Variants in EDARADD observed in about 807,000 individuals in gnomAD.
The protein encoded by EDARADD is EDAR associated via death domain.
Under a neutral mutation model 25.6 loss-of-function variants are expected in EDARADD, and 20 were observed. The observed-to-expected ratio is 0.78, with a 90% CI of 0.55 to 1.14. The LOEUF is 1.14. Ranked by LOEUF, EDARADD falls within the 50% of genes most tolerant of loss-of-function variation. The pLI is 0.00. For synonymous variants in EDARADD, 86 were observed against 94.4 expected, an observed-to-expected ratio of 0.91 and a Z score of 0.52; for missense variants, 225 against 270.1, an observed-to-expected ratio of 0.83 and a Z score of 1.17.
At chr1:236,393,390 TC>T (rs1352467369), upstream of EDARADD, among the ~76,000 whole-genome samples, 14 of 86,340 alleles carry the variant, frequency 1.6e-4, no homozygotes, top group East Asian at 1.2e-3. Flanking sequence ...TTTCTTTCTT[TC>T]TTTTTTTTTT....
intron 4 of EDARADD, among the ~76,000 whole-genome samples, chr1:236,459,523 T>A (rs1256792458): frequency 6.6e-6 from 1 of 151,920 alleles, no homozygotes; most frequent in African/African-American, 2.4e-5. Context: ...AGAAGAAAGA[T>A]CTACAGGTCA....
Position 236,430,281 on chromosome 1 carries a change from G to A in EDARADD, c.219+2831G>A, listed in dbSNP as rs142786514. On this transcript the variant is annotated intron_variant, in intron 4 of 5. Coordinates refer to ENST00000334232, the MANE Select transcript of EDARADD (RefSeq NM_145861.4). ...TGCTTACTGAATTTAAACTAGTTTA[G>A]TAAACTGAAAGTATAAATTTGTTCT... Among the ~76,000 whole-genome samples, 509 of 152,268 alleles carry A rather than the reference G, an allele frequency of 3.3e-3. 5 individuals carry two copies. Among genetic ancestry groups the A allele is most frequent in the African/African-American group, 0.011 (467 of 41,552 alleles).
chr1:236,433,178 G>A (rs550543203), intron 4 of EDARADD, among the ~76,000 whole-genome samples: 3 of 151,774 alleles, frequency 2.0e-5, no homozygotes, highest in Admixed American at 6.6e-5. Flanking sequence ...AATGAAAGGC[G>A]CATCGCCCAT....
At chr1:236,467,418 ACACACG>A (rs1011822910) in intron 4 of EDARADD, among the ~76,000 whole-genome samples, 4 of 91,744 alleles carry the variant, frequency 4.4e-5, no homozygotes, top group African/African-American at 2.1e-4. Context: ...TGGGAAGCAC[ACACACG>A]CGCACACACA....
chr1:236,457,508 C>A (rs1003951331), intron 4 of EDARADD, among the ~76,000 whole-genome samples: 1 of 151,206 alleles, frequency 6.6e-6, no homozygotes, highest in Admixed American at 6.6e-5. Flanking sequence ...GAGGCAGATT[C>A]TTTCTCTCTA....
intron 1 of EDARADD, 140 bp from the exon 2 acceptor site, chr1:236,409,076 A>C (rs1571917391): frequency 2.1e-6 from 1 of 485,910 alleles, no homozygotes; most frequent in Non-Finnish European, 3.6e-6. Flanking sequence ...CTTAAAAAAA[A>C]AAAAAAAAAA....
At chr1:236,429,035 C>T (rs965213560) in intron 4 of EDARADD, among the ~76,000 whole-genome samples, 20 of 152,106 alleles carry the variant, frequency 1.3e-4, no homozygotes, top group African/African-American at 4.8e-4. Flanking sequence ...ACTCGGCAGG[C>T]TGAGGCAGGA....
intron 5 of EDARADD, among the ~76,000 whole-genome samples, chr1:236,479,553 G>T (rs538594985): frequency 5.3e-5 from 8 of 151,918 alleles, no homozygotes; most frequent in South Asian, 4.2e-4. Flanking sequence ...GGGCTTCTCT[G>T]TGTACACTTA....
At chr1:236,409,460 T>C (rs1397868208) in intron 2 of EDARADD, among the ~76,000 whole-genome samples, 186 bp downstream of exon 2, 1 of 152,196 alleles carries the variant, frequency 6.6e-6, no homozygotes, top group Non-Finnish European at 1.5e-5. Flanking sequence ...TTCTCCAGGC[T>C]AAAAATGGCG....
chr1:236,484,901 G>A lies in EDARADD; in HGVS notation c.*2252G>A, dbSNP rs531213262. ...AAAATAAAAAGCCTCATTGACCCAT[G>A]AGAAAAAAGAAAACAGCAATGAGAA... On this transcript the variant is annotated 3_prime_UTR_variant, in exon 6 of 6. Transcript: ENST00000334232. This position sits in a 1 kb window ranked among gnomAD's most constrained non-coding sequence, Gnocchi z 4.1. 1.3e-5 allele frequency: 2 copies of A among 158,492 alleles called. No individual in the cohort carries two copies. The highest frequency in any genetic ancestry group is 3.7e-4 in the East Asian group (2 of 5,342). The allele number at this position is 158,492 out of a possible 1,614,324, so 9.8% of individuals were successfully genotyped here.
chr1:236,478,565 C>T (rs1659574775), intron 5 of EDARADD, among the ~76,000 whole-genome samples: 1 of 151,778 alleles, frequency 6.6e-6, no homozygotes, highest in Admixed American at 6.6e-5. Flanking sequence ...CCTGGATGGA[C>T]TTGGAGACCA....
At chr1:236,456,336 G>A (rs1002287438) in intron 4 of EDARADD, among the ~76,000 whole-genome samples, 4 of 152,160 alleles carry the variant, frequency 2.6e-5, no homozygotes, top group African/African-American at 9.7e-5. Flanking sequence ...CTCTAGTAAG[G>A]GGATGGAGGG....
chr1:236,389,408 A>G (rs1190251924), upstream of EDARADD, among the ~76,000 whole-genome samples: 8 of 152,216 alleles, frequency 5.3e-5, no homozygotes, highest in Admixed American at 5.2e-4. Flanking sequence ...GAAACCAAAC[A>G]CTGCTCATGC....
At chr1:236,408,642 C>T (rs1667779063) in intron 1 of EDARADD, among the ~76,000 whole-genome samples, 1 of 152,040 alleles carries the variant, frequency 6.6e-6, no homozygotes, top group African/African-American at 2.4e-5. Flanking sequence ...CTTTGGGAGG[C>T]TGAGGTGGGA....
intron 4 of EDARADD, among the ~76,000 whole-genome samples, chr1:236,467,904 C>T (rs527719045): frequency 7.2e-5 from 11 of 152,122 alleles, no homozygotes; most frequent in South Asian, 2.1e-4. Context: ...GCTGCAGGCA[C>T]GAACTATGGT....
intron 4 of EDARADD, among the ~76,000 whole-genome samples, chr1:236,444,247 TTTATTA>T (rs969778374): frequency 2.6e-5 from 4 of 152,050 alleles, no homozygotes; most frequent in African/African-American, 9.7e-5. Flanking sequence ...TTAACTATGT[TTTATTA>T]TTATTATTAT....
intron 3 of EDARADD, among the ~76,000 whole-genome samples, chr1:236,414,828 G>A (rs931371257): frequency 6.6e-6 from 1 of 151,762 alleles, no homozygotes; most frequent in African/African-American, 2.4e-5. Context: ...AGCCAAGATC[G>A]CACCACTGCA....
At chr1:236,350,743 T>C (rs1666906282) in exon 3 of EDARADD, 1 of 152,230 alleles carries the variant, frequency 6.6e-6, no homozygotes, top group Non-Finnish European at 1.5e-5. Context: ...TTCTGAGCTC[T>C]GTAAAGTACT....
intron 3 of EDARADD, among the ~76,000 whole-genome samples, chr1:236,385,013 T>A (rs906606684): frequency 6.6e-6 from 1 of 151,876 alleles, no homozygotes. Context: ...CTTTAGAACT[T>A]CTCTTGTCTT....
Sources: gnomAD v4.1 joint callset for allele counts (sites outside exome capture counted in the v4.1 genomes callset) on GRCh38, gnomAD v4.1.1 for gene constraint, Gnocchi (gnomAD v3.1) non-coding constraint, MANE v1.5 for transcripts, NCBI Gene and HGNC (gene_info 2026-07-23, HGNC 2026-07-21) for gene names.